Variants in TG observed in about 807,000 individuals in gnomAD.
The protein encoded by TG is thyroid hormones.
Under a neutral mutation model 324.7 loss-of-function variants are expected in TG, and 270 were observed. That is an observed-to-expected ratio of 0.83 (90% CI 0.75 to 0.92). The LOEUF (loss-of-function observed/expected upper bound fraction) is 0.92. Ranked by LOEUF, TG falls within the 40% of genes least tolerant of loss-of-function variation. The pLI, the probability that TG is intolerant of heterozygous loss-of-function variation, is 0.00. For missense variants in TG, 3,591 were observed against 3,456.4 expected, an observed-to-expected ratio of 1.04 and a Z score of -0.98; for synonymous variants, 1,401 against 1,327.0, an observed-to-expected ratio of 1.06 and a Z score of -1.21.
In TG at chr8:132,898,185, A is replaced by G. The variant is rs1817395927; in HGVS notation, c.3156A>G (p.Val1052=). The part of the protein sequence containing the change: ...CHAGTGHCWC[V]DEKGGFIPGS... ...CTTTTCCAGGGCACTGCTGGTGTGT[A>G]GATGAGAAAGGAGGGTTCATCCCTG... The change falls in exon 13 of 48, where the codon GTA becomes GTG. Residue 1052 remains valine, a synonymous_variant. Transcript: ENST00000220616. The G allele has an allele frequency of 6.2e-7, 1 of 1,604,708 alleles. No individual in the cohort carries two copies. The highest frequency in any genetic ancestry group is 8.5e-7 in the Non-Finnish European group (1 of 1,175,524).
In TG at chr8:133,122,395, A is replaced by G. The variant is rs1851211964; in HGVS notation, c.7862+5679A>G. ...CGTCTAGCTCCTTCATTTTACATGT[A>G]AAGAAACAAAAGCCCAGGGATGTGA... On this transcript the variant is annotated intron_variant, in intron 45 of 47. Transcript: ENST00000220616. 1.3e-5 allele frequency among the ~76,000 whole-genome samples: 2 copies of G among 152,234 alleles called. 1 individual carries two copies. Among genetic ancestry groups the G allele is most frequent in the Admixed American group, 1.3e-4 (2 of 15,284 alleles).
rs1815530836 is a variant in TG at position 132,887,112 on chromosome 8, C to T, written c.1740C>T (p.Phe580=). The stretch of plus-strand genomic sequence containing the variant: ...TGGAGCTTCCAGAATTCCTTCTCTT[C>T]TTGCAACATGCTATCTCTGTGCCAG... The part of the protein sequence containing the change: ...SLLELPEFLL[F]LQHAISVPED... The change falls in exon 9 of 48, where the codon TTC becomes TTT. Residue 580 remains phenylalanine, a synonymous_variant. Coordinates refer to ENST00000220616, the MANE Select transcript of TG (RefSeq NM_003235.5). 1.9e-6 allele frequency: 3 copies of T among 1,614,224 alleles called. No individual in the cohort carries two copies. Among genetic ancestry groups the T allele is most frequent in the African/African-American group, 1.3e-5 (1 of 75,052 alleles).
At chr8:132,926,036 G>T (rs1821821722) in intron 22 of TG, among the ~76,000 whole-genome samples, 2 of 152,172 alleles carry the variant, frequency 1.3e-5, no homozygotes, top group South Asian at 4.1e-4. Context: ...TCCCTTTCTG[G>T]ATATGCCTGG....
At chr8:133,059,834 A>G (rs1399692210) in intron 41 of TG, among the ~76,000 whole-genome samples, 1 of 152,242 alleles carries the variant, frequency 6.6e-6, no homozygotes, top group Non-Finnish European at 1.5e-5. Flanking sequence ...TATCTGGAAA[A>G]TAAAGTGATT....
intron 41 of TG, among the ~76,000 whole-genome samples, chr8:133,094,171 G>A (rs954696128): frequency 3.3e-5 from 5 of 152,010 alleles, no homozygotes; most frequent in South Asian, 4.2e-4. Context: ...CCAAAAGTCC[G>A]GGCAGAGATG....
chr8:132,982,795 T>A (rs1382187731), intron 34 of TG, among the ~76,000 whole-genome samples: 2 of 152,244 alleles, frequency 1.3e-5, no homozygotes, highest in African/African-American at 4.8e-5. Flanking sequence ...CATAAGTGCC[T>A]TGCCCAGTTC....
intron 45 of TG, among the ~76,000 whole-genome samples, chr8:133,124,871 G>C (rs11777970): frequency 0.25 from 38,455 of 152,128 alleles, 5,387 homozygotes; most frequent in African/African-American, 0.36. Context: ...TAACATTCCA[G>C]ATTCAAAATA....
chr8:132,887,526 T>C lies in TG; in HGVS notation c.2154T>C (p.Ser718=), dbSNP rs775800246. 1 of 1,614,166 alleles carries C rather than the reference T, an allele frequency of 6.2e-7. No individual in the cohort carries two copies. Among genetic ancestry groups the C allele is most frequent in the South Asian group, 1.1e-5 (1 of 91,084 alleles). The change falls in exon 9 of 48, where the codon AGT becomes AGC. Residue 718 remains serine, a synonymous_variant. Transcript: ENST00000220616. The part of the protein sequence containing the change: ...AEGQAIPGTR[S]AIGKPKKCPT... ...GTCAGGCCATTCCTGGAACTCGAAGTGCAATAGGGAAGCCCAAGAAATGTA... is the reference window on the plus strand; with the variant it reads ...GTCAGGCCATTCCTGGAACTCGAAGCGCAATAGGGAAGCCCAAGAAATGTA...
chr8:133,058,939 C>T (rs1841949398), intron 41 of TG: 2 of 471,394 alleles, frequency 4.2e-6, no homozygotes, highest in Non-Finnish European at 8.5e-6. Context: ...GTGGCTGGGT[C>T]TTGGCATGCT....
intron 41 of TG, 85 bp downstream of exon 41, chr8:133,030,108 C>G: frequency 6.5e-7 from 1 of 1,536,860 alleles, no homozygotes; most frequent in Non-Finnish European, 9.0e-7. Flanking sequence ...GTCTAGTTGG[C>G]TTCAATTGCT....
intron 25 of TG, among the ~76,000 whole-genome samples, chr8:132,937,812 T>C (rs1823828161): frequency 1.3e-5 from 2 of 152,360 alleles, no homozygotes; most frequent in South Asian, 4.1e-4. Context: ...TTATTTTTAT[T>C]TTTCCTTTTT....
At chr8:132,971,744 T>TG in intron 32 of TG, 50 bp from the exon 33 acceptor site, 2 of 1,358,754 alleles carry the variant, frequency 1.5e-6, no homozygotes, top group African/African-American at 2.9e-5. Context: ...CAGTAGGTCC[T>TG]GGGTCACCAG....
Position 132,948,837 on chromosome 8 carries a change from G to T in TG, c.5295G>T (p.Trp1765Cys). Residue 1765 changes from tryptophan to cysteine, a missense_variant, in exon 27 of 48, where the codon TGG becomes TGT. Trp to Cys is a radical substitution (Grantham distance 215). Coordinates refer to ENST00000220616, the MANE Select transcript of TG (RefSeq NM_003235.5). The stretch of plus-strand genomic sequence containing the variant: ...TCCTGCTTTGTAATGTCAAAGACTG[G>T]ATGGATCCCTCTGAAGCCTGGGCTA... ...PSVLLCNVKD[W>C]MDPSEAWANA... 6.2e-7 allele frequency: 1 copy of T among 1,613,882 alleles called. No individual in the cohort carries two copies. The highest frequency in any genetic ancestry group is 8.5e-7 in the Non-Finnish European group (1 of 1,180,022).
At chr8:133,045,072 G>A (rs779537816) in intron 41 of TG, 2 of 1,614,162 alleles carry the variant, frequency 1.2e-6, no homozygotes, top group Non-Finnish European at 1.7e-6. Flanking sequence ...GGAAAATGCG[G>A]TAATGCTTTA....
rs540559472 is a variant in TG at position 132,915,872 on chromosome 8, C to T, written c.4378+2607C>T. Among the ~76,000 whole-genome samples the T allele has an allele frequency of 2.0e-5, 3 of 152,282 alleles. No homozygotes were observed. In the South Asian group the frequency reaches 6.2e-4, roughly 32 times the overall value. Reference sequence around the variant, plus strand: ...GACTTGTCAATCACACCACATGGCCCCATCCTCTTACTCCAAAGGGTTGGA... The same window carrying T: ...GACTTGTCAATCACACCACATGGCCTCATCCTCTTACTCCAAAGGGTTGGA... On this transcript the variant is annotated intron_variant, in intron 20 of 47. Transcript: ENST00000220616.
At chr8:133,048,995 T>C in intron 41 of TG, 1 of 335,938 alleles carries the variant, frequency 3.0e-6, no homozygotes, top group Non-Finnish European at 6.0e-6. Flanking sequence ...TCTTTTCCAT[T>C]TCCAATGTGC....
At chr8:133,070,106 T>C (rs1843773844) in intron 41 of TG, among the ~76,000 whole-genome samples, 2 of 150,494 alleles carry the variant, frequency 1.3e-5, no homozygotes, top group African/African-American at 4.9e-5. Context: ...GGATTTGTGG[T>C]GTGCTAGTAA....
chr8:133,025,195 G>A (rs1381161829), intron 40 of TG, among the ~76,000 whole-genome samples: 1 of 152,200 alleles, frequency 6.6e-6, no homozygotes, highest in Non-Finnish European at 1.5e-5. Context: ...CAGCAGCAGA[G>A]CCATGATGCA....
chr8:132,941,874 A>T (rs996890427), intron 26 of TG, among the ~76,000 whole-genome samples: 2 of 152,180 alleles, frequency 1.3e-5, no homozygotes, highest in Non-Finnish European at 2.9e-5. Flanking sequence ...TTGAAAAGTG[A>T]TAGAGCCAGG....
Sources: allele counts gnomAD v4.1 joint callset (sites outside exome capture counted in the v4.1 genomes callset), GRCh38; gene constraint gnomAD v4.1.1; transcripts MANE v1.5; gene names NCBI Gene and HGNC (gene_info 2026-07-23, HGNC 2026-07-21).